The following PCDHA13 variants were observed in gnomAD, a reference collection of about 807,000 sequenced individuals.
PCDHA13 encodes the protein protocadherin alpha-13.
Under a neutral mutation model 64.8 loss-of-function variants are expected in PCDHA13, and 54 were observed. That is an observed-to-expected ratio of 0.83 (90% CI 0.67 to 1.04). The LOEUF is 1.04. PCDHA13 is among the 50% of genes least tolerant of loss of function. PCDHA13 has a pLI of 0.00. For missense variants in PCDHA13, 1,248 were observed against 1,254.3 expected (o/e 0.99, Z 0.08); for synonymous variants, 587 against 564.4 (o/e 1.04, Z -0.57).
chr5:140,891,742 A>T (rs2063228656), intron 1 of PCDHA13, among the ~76,000 whole-genome samples: 1 of 152,150 alleles, frequency 6.6e-6, no homozygotes, highest in African/African-American at 2.4e-5. Context: ...TCAATCCCTT[A>T]TACAACAGTG....
intron 1 of PCDHA13, among the ~76,000 whole-genome samples, chr5:140,911,672 C>T (rs1010402307): frequency 2.6e-5 from 4 of 152,154 alleles, no homozygotes; most frequent in Non-Finnish European, 5.9e-5. Flanking sequence ...TTGCCTCTCA[C>T]GAACCGTGCA....
chr5:141,001,058 A>G (rs1554257985), intron 3 of PCDHA13, among the ~76,000 whole-genome samples: 2 of 152,146 alleles, frequency 1.3e-5, no homozygotes, highest in African/African-American at 4.8e-5. Flanking sequence ...TAAATCATTT[A>G]AAATTAAATA....
chr5:140,900,080 A>G (rs62384484), intron 1 of PCDHA13, among the ~76,000 whole-genome samples: 49,691 of 152,040 alleles, frequency 0.33, 8,391 homozygotes, highest in East Asian at 0.53. Flanking sequence ...AAAGTGCTGC[A>G]GTTACAAGCA....
At chr5:140,956,925 G>GA (rs1487375223) in intron 1 of PCDHA13, among the ~76,000 whole-genome samples, 1 of 151,858 alleles carries the variant, frequency 6.6e-6, no homozygotes, top group Non-Finnish European at 1.5e-5. Context: ...AATCTTGCTG[G>GA]ATATAGGATA....
At chr5:140,995,946 C>A (rs2097705145) in intron 3 of PCDHA13, among the ~76,000 whole-genome samples, 1 of 152,192 alleles carries the variant, frequency 6.6e-6, no homozygotes, top group South Asian at 2.1e-4. Flanking sequence ...TGACATAATG[C>A]ACGCAAAATG....
At chr5:140,926,118 G>C (rs927468824) in intron 1 of PCDHA13, among the ~76,000 whole-genome samples, 3 of 152,174 alleles carry the variant, frequency 2.0e-5, no homozygotes, top group African/African-American at 7.2e-5. Flanking sequence ...GTGCAGGACA[G>C]ACTTCAACCC....
At chr5:140,925,286 A>G (rs545624226) in intron 1 of PCDHA13, among the ~76,000 whole-genome samples, 9 of 152,288 alleles carry the variant, frequency 5.9e-5, no homozygotes, top group African/African-American at 2.2e-4. Context: ...TTGCCTTTCA[A>G]ATGTTTCATT....
chr5:140,883,830 A>G lies in PCDHA13; in HGVS notation c.1562A>G (p.Gln521Arg). Residue 521 changes from glutamine (Q) to arginine (R), a missense_variant, in exon 1 of 4, where the codon CAG becomes CGG. Transcript: ENST00000289272. Reference sequence around the variant, plus strand: ...GAGAGCGGCAAGGTGTACGCGCTGCAGCCGTTGGACCACGAGGAGCTGGAG... The same window carrying G: ...GAGAGCGGCAAGGTGTACGCGCTGCGGCCGTTGGACCACGAGGAGCTGGAG... Reference protein sequence around the residue: ...HAESGKVYALQPLDHEELELL... With the variant: ...HAESGKVYALRPLDHEELELL... The G allele has an allele frequency of 3.1e-6, 5 of 1,612,532 alleles. No homozygotes were observed. The highest frequency in any genetic ancestry group is 4.2e-6 in the Non-Finnish European group (5 of 1,179,790).
At chr5:140,979,690 A>G (rs2096860224) in intron 2 of PCDHA13, among the ~76,000 whole-genome samples, 1 of 152,252 alleles carries the variant, frequency 6.6e-6, no homozygotes, top group Non-Finnish European at 1.5e-5. Context: ...ATTAACTACC[A>G]TTATTTCTGG....
At chr5:140,921,080 A>G (rs1329038497) in intron 1 of PCDHA13, among the ~76,000 whole-genome samples, 1 of 152,008 alleles carries the variant, frequency 6.6e-6, no homozygotes. Context: ...CTTGGGCTCA[A>G]GAGAATCCTC....
intron 1 of PCDHA13, among the ~76,000 whole-genome samples, chr5:140,977,466 T>A (rs1554238584): frequency 2.0e-5 from 3 of 152,246 alleles, no homozygotes; most frequent in African/African-American, 4.8e-5. Context: ...ATTTGGTCTG[T>A]AGATAATTTT....
chr5:140,902,419 T>C (rs2069442508), intron 1 of PCDHA13, among the ~76,000 whole-genome samples: 1 of 152,118 alleles, frequency 6.6e-6, no homozygotes, highest in Non-Finnish European at 1.5e-5. Flanking sequence ...ATAACAGTGG[T>C]GAAAGTGGGC....
chr5:141,009,942 C>T lies in PCDHA13; in HGVS notation c.*5C>T, dbSNP rs782819309. The T allele has an allele frequency of 6.3e-7, 1 of 1,597,438 alleles. No individual in the cohort carries two copies. The highest frequency in any genetic ancestry group is 1.1e-5 in the South Asian group (1 of 87,840). ...ACTGACAACAGTGACCAGTGAGGTCCTCAAATGGAAACAAGCCACTTAGCC... is the reference window on the plus strand; with the variant it reads ...ACTGACAACAGTGACCAGTGAGGTCTTCAAATGGAAACAAGCCACTTAGCC... On this transcript the variant is annotated 3_prime_UTR_variant, in exon 4 of 4. Coordinates refer to ENST00000289272, the MANE Select transcript of PCDHA13 (RefSeq NM_018904.3).
rs544594142 is a variant in PCDHA13, at chr5:141,011,456, T to C, written c.*1519T>C. On this transcript the variant is annotated 3_prime_UTR_variant, in exon 4 of 4. Transcript: ENST00000289272. Reference sequence around the variant, plus strand: ...TACCTAGAGTGAACTTTAAGCTTTATTGTTGAATGTAATTCCATTATATTT... The same window carrying C: ...TACCTAGAGTGAACTTTAAGCTTTACTGTTGAATGTAATTCCATTATATTT... The C allele has an allele frequency of 1.3e-5, 2 of 153,928 alleles. No homozygotes were observed. The highest frequency in any genetic ancestry group is 6.8e-3 in the Middle Eastern group (2 of 292). 9.5% of individuals were successfully genotyped at this position (153,928 alleles called of 1,614,324 possible).
At chr5:141,000,824 T>C (rs1477357302) in intron 3 of PCDHA13, among the ~76,000 whole-genome samples, 1 of 152,064 alleles carries the variant, frequency 6.6e-6, no homozygotes, top group Non-Finnish European at 1.5e-5. Context: ...GGAGGATCAC[T>C]TGAGTCCAGG....
chr5:140,921,289 A>G (rs2080153256), intron 1 of PCDHA13, among the ~76,000 whole-genome samples: 1 of 152,172 alleles, frequency 6.6e-6, no homozygotes, highest in African/African-American at 2.4e-5. Flanking sequence ...AAAACCTCAA[A>G]TTTGCTGAAT....
At chr5:141,005,479 G>A (rs371636060) in intron 3 of PCDHA13, among the ~76,000 whole-genome samples, 43 of 151,818 alleles carry the variant, frequency 2.8e-4, no homozygotes, top group Non-Finnish European at 2.6e-4. Context: ...CGAGACGGGC[G>A]GATCATGAGG....
At chr5:140,887,757 C>T (rs1303665192) in intron 1 of PCDHA13, among the ~76,000 whole-genome samples, 16 of 152,166 alleles carry the variant, frequency 1.1e-4, no homozygotes, top group Admixed American at 9.8e-4. Flanking sequence ...TCCAGTAACA[C>T]ATATGTTACA....
chr5:140,962,595 A>G (rs1307695991), intron 1 of PCDHA13, among the ~76,000 whole-genome samples: 1 of 152,192 alleles, frequency 6.6e-6, no homozygotes, highest in Non-Finnish European at 1.5e-5. Flanking sequence ...TTTGACTGAT[A>G]TATTTCTTCT....
Sources: allele counts gnomAD v4.1 joint callset (sites outside exome capture counted in the v4.1 genomes callset), GRCh38; gene constraint gnomAD v4.1.1; transcripts MANE v1.5; gene names NCBI Gene and HGNC (gene_info 2026-07-23, HGNC 2026-07-21).